MAU2: variants seen among roughly 807,000 people sequenced by gnomAD.
MAU2 encodes the protein MAU2 chromatid cohesion factor homolog.
MAU2 carries 9 observed loss-of-function variants against 89.1 expected under a neutral mutation model. The ratio of observed to expected loss-of-function variants is 0.10; its 90% CI spans 0.06 to 0.18. The LOEUF (loss-of-function observed/expected upper bound fraction) is 0.18, where lower values mean the gene tolerates loss of function less well. Among genes scored for constraint, MAU2 ranks in the 10% least tolerant of loss-of-function variants. The pLI, the probability that MAU2 is intolerant of heterozygous loss-of-function variation, is 1.00. For missense variants in MAU2, 425 were observed against 803.5 expected, an observed-to-expected ratio of 0.53 and a Z score of 5.69; for synonymous variants, 357 against 343.4, an observed-to-expected ratio of 1.04 and a Z score of -0.44.
At position 19,355,163 on chromosome 19, in the gene MAU2, G is replaced by A; in HGVS notation, c.1640-101G>A. 2.0e-6 allele frequency: 3 copies of A among 1,469,498 alleles called. No individual in the cohort carries two copies. The South Asian group carries it at 3.7e-5, about 18-fold the overall frequency. 91.0% of individuals were successfully genotyped at this position (1,469,498 alleles called of 1,614,324 possible). On this transcript the variant is annotated intron_variant, in intron 17 of 18. Coordinates refer to ENST00000262815, the MANE Select transcript of MAU2 (RefSeq NM_015329.4). ...GTGCCAGGCACCCAGAGATCCACCA[G>A]TGCAGCTGGGACTTGACCTTAGGGC...
At chr19:19,344,771 A>G in intron 10 of MAU2, 78 bp from the exon 11 acceptor site, 2 of 1,192,840 alleles carry the variant, frequency 1.7e-6, no homozygotes, top group Non-Finnish European at 2.5e-6. Context: ...CCCACCAGCT[A>G]TGGGGTCTCT....
chr19:19,342,702 G>A (rs370433461), intron 8 of MAU2, 21 bp downstream of exon 8: 31 of 1,612,730 alleles, frequency 1.9e-5, no homozygotes, highest in African/African-American at 1.7e-4. Flanking sequence ...ACCAGGGCCC[G>A]GGCCAGGGCT....
chr19:19,341,289 C>T lies in MAU2; in HGVS notation c.617C>T (p.Pro206Leu), dbSNP rs369228779. The T allele has an allele frequency of 2.2e-5, 35 of 1,612,580 alleles. No individual in the cohort carries two copies. Among genetic ancestry groups the T allele is most frequent in the Non-Finnish European group, 2.7e-5 (32 of 1,179,986 alleles). Residue 206 changes from proline to leucine, a missense_variant, in exon 7 of 19, where the codon CCG (proline) becomes CTG (leucine). Coordinates refer to ENST00000262815, the MANE Select transcript of MAU2 (RefSeq NM_015329.4). ...LMERKLQEVH[P>L]LLTLCGQIVE... ...GAGCGAAAGCTGCAGGAGGTGCACC[C>T]GCTGCTGACCCTCTGCGGGCAGATC...
chr19:19,341,224 C>T (rs1568659696), intron 6 of MAU2, 28 bp from the exon 7 acceptor site: 7 of 1,603,620 alleles, frequency 4.4e-6, no homozygotes, highest in Non-Finnish European at 5.9e-6. Flanking sequence ...AAGCCCTGTA[C>T]CCTACACCTG....
chr19:19,330,371 T>C (rs186555295), intron 1 of MAU2, among the ~76,000 whole-genome samples: 1 of 151,314 alleles, frequency 6.6e-6, no homozygotes, highest in Non-Finnish European at 1.5e-5. Context: ...GAGGTGGTAG[T>C]ATCTCCTGAG....
At chr19:19,331,641 A>G (rs2061556354) in intron 1 of MAU2, among the ~76,000 whole-genome samples, 2 of 152,098 alleles carry the variant, frequency 1.3e-5, no homozygotes, top group African/African-American at 4.8e-5. Flanking sequence ...GTGGCTCACA[A>G]CTGCAATCCC....
chr19:19,352,518 A>G (rs1048865544), intron 16 of MAU2: 2 of 152,294 alleles, frequency 1.3e-5, no homozygotes, highest in South Asian at 2.1e-4. Context: ...AGAATGTGCT[A>G]TCACCCTGCC....
intron 16 of MAU2, chr19:19,352,265 C>T (rs959994092): frequency 6.6e-6 from 1 of 152,104 alleles, no homozygotes; most frequent in Non-Finnish European, 1.5e-5. Flanking sequence ...TAGCCATTTC[C>T]ACAGGACAGA....
rs1420298849 is a variant in MAU2 at position 19,356,202 on chromosome 19, T to C, written c.*420T>C. Reference sequence around the variant, plus strand: ...TTGATGCCGAGCGGGAGTAGAGTGTTTCCTCTGCTCAAGGCAATTTCCAGA... The same window carrying C: ...TTGATGCCGAGCGGGAGTAGAGTGTCTCCTCTGCTCAAGGCAATTTCCAGA... On this transcript the variant is annotated 3_prime_UTR_variant, in exon 19 of 19. Transcript: ENST00000262815. 2.7e-6 allele frequency: 1 copy of C among 370,890 alleles called. No homozygotes were observed. The highest frequency in any genetic ancestry group is 5.3e-6 in the Non-Finnish European group (1 of 187,306). 23.0% of individuals were successfully genotyped at this position (370,890 alleles called of 1,614,324 possible).
chr19:19,321,429 A>C, intron 1 of MAU2: 1 of 353,122 alleles, frequency 2.8e-6, no homozygotes, highest in Non-Finnish European at 5.1e-6. Context: ...GGATCCGCAA[A>C]TCGTCTGGTT....
In MAU2 at chr19:19,345,493, C is replaced by A; in HGVS notation, c.1221+124C>A. The A allele has an allele frequency of 2.2e-6, 2 of 896,378 alleles. No homozygotes were observed. The highest frequency in any genetic ancestry group is 1.8e-5 in the Admixed American group (1 of 54,912). 55.5% of individuals were successfully genotyped at this position (896,378 alleles called of 1,614,324 possible). A position where few individuals can be genotyped will look rare whatever the true frequency, so the allele number is the denominator to read the frequency against. Reference sequence around the variant, plus strand: ...CTATGCAAAGCCGCAGCCCCAGAGGCAATGCACAGTAGTCAGCCCATGCCA... The same window carrying A: ...CTATGCAAAGCCGCAGCCCCAGAGGAAATGCACAGTAGTCAGCCCATGCCA... On this transcript the variant is annotated intron_variant, in intron 12 of 18. Coordinates refer to ENST00000262815, the MANE Select transcript of MAU2 (RefSeq NM_015329.4). The surrounding 1 kb of genome is among the most constrained non-coding windows in gnomAD (Gnocchi z 4.9).
At chr19:19,331,880 C>A (rs1266787990) in intron 1 of MAU2, among the ~76,000 whole-genome samples, 1 of 152,250 alleles carries the variant, frequency 6.6e-6, no homozygotes, top group Non-Finnish European at 1.5e-5. Flanking sequence ...TGTGTGTCCT[C>A]ATGCAGAGAG....
intron 8 of MAU2, 37 bp from the exon 9 acceptor site, chr19:19,342,739 G>A: frequency 6.2e-7 from 1 of 1,613,790 alleles, no homozygotes; most frequent in Non-Finnish European, 8.5e-7. Context: ...AGAGGGAGAG[G>A]GCCCTGGTAA....
chr19:19,342,918 G>C, intron 9 of MAU2, 52 bp downstream of exon 9: 1 of 1,596,006 alleles, frequency 6.3e-7, no homozygotes, highest in Non-Finnish European at 8.6e-7. Context: ...CTGGCGGACG[G>C]CCTGGCCAGA....
intron 1 of MAU2, among the ~76,000 whole-genome samples, chr19:19,326,784 C>T (rs1248071419): frequency 7.0e-6 from 1 of 143,754 alleles, no homozygotes; most frequent in Non-Finnish European, 1.5e-5. Flanking sequence ...GTCCCAGCTA[C>T]TCAGGAGGCT....
Position 19,349,240 on chromosome 19 carries a change from T to TG in MAU2, c.1436+12dup, listed in dbSNP as rs1568666016. 5 of 1,614,014 alleles carry TG rather than the reference T, an allele frequency of 3.1e-6. No individual in the cohort carries two copies. In the African/African-American group the frequency reaches 4.0e-5, roughly 13 times the overall value. On this transcript the variant is annotated intron_variant, in intron 15 of 18. Coordinates refer to ENST00000262815, the MANE Select transcript of MAU2 (RefSeq NM_015329.4). ...ACGCTACAACGAGGCCAAGTAAGTG[T>TG]GGGGCAGAGGGTGGCGTGAGGGCCA...
Position 19,343,986 on chromosome 19 carries a change from G to T in MAU2, c.1077+46G>T, listed in dbSNP as rs113924617. ...GGCGGGAAGGCCCAGGAGTTTGTTG[G>T]GTCTCAGCAGTGTCAGACAAGAGAC... On this transcript the variant is annotated intron_variant, in intron 10 of 18. Transcript: ENST00000262815. 6 of 1,485,760 alleles carry T rather than the reference G, an allele frequency of 4.0e-6. No individual in the cohort carries two copies. In the African/African-American group the frequency reaches 5.5e-5, roughly 14 times the overall value. 92.0% of individuals were successfully genotyped at this position (1,485,760 alleles called of 1,614,324 possible). A position where few individuals can be genotyped will look rare whatever the true frequency, so the allele number is the denominator to read the frequency against.
At chr19:19,329,005 A>AAT (rs1164727269) in intron 1 of MAU2, 2 of 455,192 alleles carry the variant, frequency 4.4e-6, no homozygotes, top group Non-Finnish European at 8.8e-6. Flanking sequence ...CTGACTTAGA[A>AAT]AGCAGCTCCA....
At chr19:19,353,598 AG>A (rs1371026273) in intron 16 of MAU2, 1 of 152,316 alleles carries the variant, frequency 6.6e-6, no homozygotes, top group Non-Finnish European at 1.5e-5. Context: ...CTGGGCTGCC[AG>A]GAGCCATCAT....
Sources: allele counts gnomAD v4.1 joint callset (sites outside exome capture counted in the v4.1 genomes callset), GRCh38; gene constraint gnomAD v4.1.1; non-coding constraint Gnocchi (gnomAD v3.1); transcripts MANE v1.5; gene names NCBI Gene and HGNC (gene_info 2026-07-23, HGNC 2026-07-21).